Variants in SGCZ observed in about 807,000 individuals in gnomAD.
SGCZ encodes zeta-sarcoglycan.
SGCZ carries 40 observed loss-of-function variants against 41.3 expected under a neutral mutation model. That is an observed-to-expected ratio of 0.97 (90% CI 0.75 to 1.26). The LOEUF (loss-of-function observed/expected upper bound fraction) is 1.26, where lower values mean the gene tolerates loss of function less well. SGCZ is among the 50% of genes most tolerant of loss of function. The probability of loss-of-function intolerance (pLI) is 0.00; values close to 1 mark genes in which losing one functional copy is unlikely to be tolerated. For synonymous variants in SGCZ, 206 were observed against 137.5 expected (o/e 1.50, Z -3.49); for missense variants, 552 against 369.8 (o/e 1.49, Z -4.04).
chr8:14,532,601 A>T (rs960724768), intron 2 of SGCZ, among the ~76,000 whole-genome samples: 1 of 151,394 alleles, frequency 6.6e-6, no homozygotes, highest in African/African-American at 2.4e-5. Context: ...AATGATAATA[A>T]TGCAAAAATG....
At chr8:14,668,126 T>C (rs922981948) in intron 1 of SGCZ, among the ~76,000 whole-genome samples, 2 of 151,936 alleles carry the variant, frequency 1.3e-5, no homozygotes, top group South Asian at 2.1e-4. Flanking sequence ...ACCCAGCTAA[T>C]TGTTGTATTT....
At chr8:14,354,830 A>T (rs1328644577) in intron 2 of SGCZ, among the ~76,000 whole-genome samples, 3 of 151,256 alleles carry the variant, frequency 2.0e-5, no homozygotes, top group Non-Finnish European at 2.9e-5. Context: ...TTCTTCACAC[A>T]TGTTTAATTA....
intron 3 of SGCZ, among the ~76,000 whole-genome samples, chr8:14,260,659 G>T (rs1471747494): frequency 6.6e-6 from 1 of 151,886 alleles, no homozygotes; most frequent in African/African-American, 2.4e-5. Flanking sequence ...TATGTTTATT[G>T]CGGCATTATT....
At chr8:14,645,863 A>G (rs977461188) in intron 1 of SGCZ, among the ~76,000 whole-genome samples, 2 of 151,802 alleles carry the variant, frequency 1.3e-5, no homozygotes, top group African/African-American at 4.8e-5. Flanking sequence ...GCATTGTTTT[A>G]CTCAATTAAA....
intron 1 of SGCZ, among the ~76,000 whole-genome samples, chr8:14,890,660 A>G (rs1470765609): frequency 6.6e-6 from 1 of 152,216 alleles, no homozygotes; most frequent in Non-Finnish European, 1.5e-5. Flanking sequence ...AGTGAGGATA[A>G]TTGATGAAAG....
chr8:14,356,114 G>C (rs723087), intron 2 of SGCZ, among the ~76,000 whole-genome samples: 53,753 of 152,098 alleles, frequency 0.35, 10,574 homozygotes, highest in African/African-American at 0.53. Flanking sequence ...GAGTGGACAA[G>C]CAATGCTGTA....
intron 1 of SGCZ, among the ~76,000 whole-genome samples, chr8:14,668,149 G>A (rs142549607): frequency 1.5e-4 from 23 of 152,134 alleles, no homozygotes; most frequent in Admixed American, 7.2e-4. Context: ...AGTAGAGACG[G>A]GGGATTCACC....
At chr8:14,857,384 G>C (rs1262186984) in intron 1 of SGCZ, among the ~76,000 whole-genome samples, 1 of 152,140 alleles carries the variant, frequency 6.6e-6, no homozygotes, top group Admixed American at 6.5e-5. Context: ...GATTTTGCAT[G>C]TGATTTGTAT....
At chr8:14,955,980 G>A (rs1036530119) in intron 1 of SGCZ, among the ~76,000 whole-genome samples, 1 of 150,284 alleles carries the variant, frequency 6.7e-6, no homozygotes, top group African/African-American at 2.4e-5. Context: ...TCACATTTGG[G>A]ATTTTAATGC....
At chr8:14,225,740 A>C (rs1262416354) in intron 4 of SGCZ, among the ~76,000 whole-genome samples, 4 of 152,118 alleles carry the variant, frequency 2.6e-5, no homozygotes, top group Non-Finnish European at 5.9e-5. Flanking sequence ...AGACGAAGCC[A>C]ACAGCAATGA....
chr8:14,871,662 G>A (rs1346402604), intron 1 of SGCZ, among the ~76,000 whole-genome samples: 1 of 151,706 alleles, frequency 6.6e-6, no homozygotes, highest in African/African-American at 2.4e-5. Flanking sequence ...AAATTAGCTG[G>A]GCATGGTGGC....
chr8:14,781,439 G>A (rs771266022), intron 1 of SGCZ, among the ~76,000 whole-genome samples: 11 of 152,004 alleles, frequency 7.2e-5, no homozygotes, highest in Non-Finnish European at 1.3e-4. Context: ...ATGTTAACCA[G>A]GCTGGTCTCA....
At chr8:14,628,882 G>C (rs1457339223) in intron 1 of SGCZ, among the ~76,000 whole-genome samples, 1 of 151,994 alleles carries the variant, frequency 6.6e-6, no homozygotes, top group Non-Finnish European at 1.5e-5. Flanking sequence ...ATAATTCCTA[G>C]CCACACTAAA....
Position 14,504,957 on chromosome 8 carries a change from T to C in SGCZ, c.234+49775A>G, listed in dbSNP as rs577303028. ...GAAAATGTGTTATGGCTATTTATAATGTCTGAACTGTCTGTTGCATTGCTT... is the reference window on the plus strand; with the variant it reads ...GAAAATGTGTTATGGCTATTTATAACGTCTGAACTGTCTGTTGCATTGCTT... On this transcript the variant is annotated intron_variant, in intron 2 of 7. Transcript: ENST00000382080. Among the ~76,000 whole-genome samples the C allele has an allele frequency of 2.6e-5, 4 of 152,304 alleles. No homozygotes were observed. In the East Asian group the frequency reaches 7.7e-4, roughly 29 times the overall value.
chr8:14,122,845 T>C (rs1802742682), intron 5 of SGCZ, among the ~76,000 whole-genome samples: 1 of 152,090 alleles, frequency 6.6e-6, no homozygotes, highest in Non-Finnish European at 1.5e-5. Flanking sequence ...ATCTTAAAGG[T>C]TTCTATTTTA....
intron 1 of SGCZ, among the ~76,000 whole-genome samples, chr8:15,062,727 T>G (rs1804982961): frequency 6.6e-6 from 1 of 152,332 alleles, no homozygotes; most frequent in South Asian, 2.1e-4. Flanking sequence ...ATACATACTT[T>G]GTTTTATAAA....
At chr8:14,532,926 A>C (rs139102726) in intron 2 of SGCZ, among the ~76,000 whole-genome samples, 118 of 152,018 alleles carry the variant, frequency 7.8e-4, no homozygotes, top group South Asian at 1.7e-3. Flanking sequence ...TACAACTTTC[A>C]ATCTTTTCTA....
intron 1 of SGCZ, among the ~76,000 whole-genome samples, chr8:15,231,746 C>T (rs764639026): frequency 3.3e-5 from 5 of 151,340 alleles, no homozygotes; most frequent in East Asian, 1.9e-4. Flanking sequence ...CTCAACCTCC[C>T]GAGTAGCTGG....
At chr8:14,544,106 C>A (rs889691892) in intron 2 of SGCZ, among the ~76,000 whole-genome samples, 1 of 152,038 alleles carries the variant, frequency 6.6e-6, no homozygotes, top group Admixed American at 6.6e-5. Context: ...GTCAGGGACC[C>A]CAAACGGAGG....
Sources: gnomAD v4.1 joint callset for allele counts (sites outside exome capture counted in the v4.1 genomes callset) on GRCh38, gnomAD v4.1.1 for gene constraint, MANE v1.5 for transcripts, NCBI Gene and HGNC (gene_info 2026-07-23, HGNC 2026-07-21) for gene names.